Variants in CRPPA observed in about 807,000 individuals in gnomAD.
CRPPA encodes the protein D-ribitol-5-phosphate cytidylyltransferase.
A neutral mutation model predicts 52.0 loss-of-function variants in CRPPA; 43 were observed. That is an observed-to-expected ratio of 0.83 (90% CI 0.65 to 1.07). The LOEUF is 1.07. CRPPA is among the 50% of genes least tolerant of loss of function. CRPPA has a pLI of 0.00. For synonymous variants in CRPPA, 250 were observed against 203.5 expected, an observed-to-expected ratio of 1.23 and a Z score of -1.94; for missense variants, 629 against 551.7, an observed-to-expected ratio of 1.14 and a Z score of -1.40.
At chr7:16,361,117 A>G (rs1172951982) in intron 3 of CRPPA, among the ~76,000 whole-genome samples, 1 of 152,220 alleles carries the variant, frequency 6.6e-6, no homozygotes, top group Non-Finnish European at 1.5e-5. Flanking sequence ...AAGATGTTCA[A>G]CATCACTAAT....
intron 5 of CRPPA, among the ~76,000 whole-genome samples, chr7:16,279,985 C>T (rs149609992): frequency 5.9e-5 from 9 of 152,332 alleles, no homozygotes; most frequent in African/African-American, 7.2e-5. Context: ...AGCAGACATG[C>T]GTCTGCTTAT....
At chr7:16,157,343 C>A (rs968322401) in intron 9 of CRPPA, among the ~76,000 whole-genome samples, 1 of 151,996 alleles carries the variant, frequency 6.6e-6, no homozygotes, top group African/African-American at 2.4e-5. Flanking sequence ...CATATGGAAA[C>A]AATATGATTC....
intron 3 of CRPPA, among the ~76,000 whole-genome samples, chr7:16,368,621 A>T (rs934577431): frequency 6.6e-6 from 1 of 152,226 alleles, no homozygotes; most frequent in Non-Finnish European, 1.5e-5. Context: ...AGTTGTTATT[A>T]CAACTTTATA....
intron 1 of CRPPA, among the ~76,000 whole-genome samples, chr7:16,414,161 C>T (rs957887864): frequency 6.6e-6 from 1 of 152,100 alleles, no homozygotes; most frequent in Non-Finnish European, 1.5e-5. Context: ...AGCTCAAAAA[C>T]CTCATGAACT....
chr7:16,404,788 T>C (rs995810173), intron 2 of CRPPA, among the ~76,000 whole-genome samples: 1 of 152,152 alleles, frequency 6.6e-6, no homozygotes, highest in Admixed American at 6.5e-5. Context: ...CTGATTACCT[T>C]GCCTCTACCA....
intron 9 of CRPPA, among the ~76,000 whole-genome samples, chr7:16,168,570 CA>C (rs1781115086): frequency 6.6e-6 from 1 of 150,804 alleles, no homozygotes. Context: ...CACACACACA[CA>C]CACACACCAT....
chr7:16,237,346 T>A (rs942566199), intron 8 of CRPPA: 4 of 152,148 alleles, frequency 2.6e-5, no homozygotes, highest in African/African-American at 4.8e-5. Context: ...ATTGCCAGCA[T>A]CATCAGGTAC....
chr7:16,190,044 T>C (rs1781576774), intron 9 of CRPPA, among the ~76,000 whole-genome samples: 1 of 152,178 alleles, frequency 6.6e-6, no homozygotes, highest in African/African-American at 2.4e-5. Context: ...CAATAACTCT[T>C]TGGTTCACCA....
chr7:16,245,441 A>C (rs191669604), intron 8 of CRPPA, among the ~76,000 whole-genome samples: 2 of 152,324 alleles, frequency 1.3e-5, no homozygotes, highest in Admixed American at 1.3e-4. Flanking sequence ...AGGAAAAAGG[A>C]TGAAGCCTGA....
At chr7:16,317,115 A>G (rs972836712) in intron 3 of CRPPA, among the ~76,000 whole-genome samples, 1 of 152,168 alleles carries the variant, frequency 6.6e-6, no homozygotes, top group Non-Finnish European at 1.5e-5. Flanking sequence ...TCTCATGAAT[A>G]TGAGGCACCA....
chr7:16,336,594 C>A (rs990806257), intron 3 of CRPPA, among the ~76,000 whole-genome samples: 110 of 142,578 alleles, frequency 7.7e-4, no homozygotes, highest in African/African-American at 2.8e-3. Flanking sequence ...ACCTACAAAA[C>A]AATCAGAAAA....
chr7:16,397,171 C>G (rs1382474880), intron 2 of CRPPA, among the ~76,000 whole-genome samples: 1 of 152,144 alleles, frequency 6.6e-6, no homozygotes, highest in Non-Finnish European at 1.5e-5. Context: ...ATGCCAATGA[C>G]ACGACACATT....
rs189047675 is a variant in CRPPA, at chr7:16,194,332, A to G, written c.1251+21734T>C. On this transcript the variant is annotated intron_variant, in intron 9 of 9. Transcript: ENST00000407010. Reference sequence around the variant, plus strand: ...CCATCTTTGGCTCCCTTATGACCTGAAACCTACTCTGCTTCCTCAGAGCTT... The same window carrying G: ...CCATCTTTGGCTCCCTTATGACCTGGAACCTACTCTGCTTCCTCAGAGCTT... Among the ~76,000 whole-genome samples the G allele has an allele frequency of 2.9e-3, 440 of 152,248 alleles. 3 individuals are homozygous for G. Among genetic ancestry groups the G allele is most frequent in the African/African-American group, 0.01 (423 of 41,552 alleles).
chr7:16,172,729 A>C (rs767429572), intron 9 of CRPPA, among the ~76,000 whole-genome samples: 18 of 152,192 alleles, frequency 1.2e-4, no homozygotes, highest in Non-Finnish European at 2.5e-4. Context: ...AAGATACTTA[A>C]CATGGTACTT....
chr7:16,200,058 A>G (rs562122109), intron 9 of CRPPA, among the ~76,000 whole-genome samples: 124 of 151,916 alleles, frequency 8.2e-4, no homozygotes, highest in Non-Finnish European at 1.4e-3. Flanking sequence ...GGATTTTACC[A>G]TGTTGGCCAG....
chr7:16,180,761 A>G (rs1781396209), intron 9 of CRPPA, among the ~76,000 whole-genome samples: 1 of 152,058 alleles, frequency 6.6e-6, no homozygotes, highest in African/African-American at 2.4e-5. Flanking sequence ...GAAGTCCTTT[A>G]TAAAATATAA....
At chr7:16,111,810 G>T (rs901049324) in intron 9 of CRPPA, among the ~76,000 whole-genome samples, 7 of 152,128 alleles carry the variant, frequency 4.6e-5, no homozygotes, top group Non-Finnish European at 7.4e-5. Flanking sequence ...TCAGACACGA[G>T]AAATATGTTT....
chr7:16,421,377 T>C lies in CRPPA; in HGVS notation c.-55A>G, dbSNP rs562576653. On this transcript the variant is annotated 5_prime_UTR_variant, in exon 1 of 10. Coordinates refer to ENST00000407010, the MANE Select transcript of CRPPA (RefSeq NM_001101426.4). ...GCCTCGGGCCGATGCGACCCCGCGCTGCTCCCACCCTCGGCCGGGGTCGCG... is the reference window on the plus strand; with the variant it reads ...GCCTCGGGCCGATGCGACCCCGCGCCGCTCCCACCCTCGGCCGGGGTCGCG... 1.8e-4 allele frequency: 213 copies of C among 1,216,738 alleles called. 1 individual carries two copies. In the African/African-American group the frequency reaches 3.0e-3, roughly 17 times the overall value. The allele number at this position is 1,216,738 out of a possible 1,614,324, so 75.4% of individuals were successfully genotyped here.
At chr7:16,296,616 C>T (rs1784680891) in intron 5 of CRPPA, among the ~76,000 whole-genome samples, 2 of 151,788 alleles carry the variant, frequency 1.3e-5, no homozygotes, top group African/African-American at 4.8e-5. Context: ...ACATGAAGCA[C>T]TCATCACAGA....
Sources: allele counts gnomAD v4.1 joint callset (sites outside exome capture counted in the v4.1 genomes callset), GRCh38; gene constraint gnomAD v4.1.1; transcripts MANE v1.5; gene names NCBI Gene and HGNC (gene_info 2026-07-23, HGNC 2026-07-21).